Variants in ANK2 observed in about 807,000 individuals in gnomAD.
ANK2 encodes the protein ankyrin 2.
A neutral mutation model predicts 360.5 loss-of-function variants in ANK2; 83 were observed. That is an observed-to-expected ratio of 0.23 (90% CI 0.19 to 0.28). The LOEUF (loss-of-function observed/expected upper bound fraction) is 0.28. Among genes scored for constraint, ANK2 ranks in the 10% least tolerant of loss-of-function variants. The probability of loss-of-function intolerance (pLI) is 1.00; values close to 1 mark genes in which losing one functional copy is unlikely to be tolerated. For synonymous variants in ANK2, 1,740 were observed against 1,759.5 expected, an observed-to-expected ratio of 0.99 and a Z score of 0.28; for missense variants, 4,201 against 4,795.7, an observed-to-expected ratio of 0.88 and a Z score of 3.66.
chr4:113,361,127 T>C (rs1276301588), intron 39 of ANK2, among the ~76,000 whole-genome samples: 1 of 152,200 alleles, frequency 6.6e-6, no homozygotes, highest in Non-Finnish European at 1.5e-5. Context: ...TTTGAAGATT[T>C]AGAGAATATA....
intron 1 of ANK2, among the ~76,000 whole-genome samples, chr4:113,136,805 G>A (rs2096437544): frequency 6.7e-6 from 1 of 148,188 alleles, no homozygotes; most frequent in Admixed American, 6.8e-5. Flanking sequence ...CACCCAGGCT[G>A]GAGTGCAGCA....
At chr4:112,863,815 C>T (rs967685432) in intron 1 of ANK2, among the ~76,000 whole-genome samples, 7 of 152,242 alleles carry the variant, frequency 4.6e-5, no homozygotes, top group African/African-American at 1.7e-4. Flanking sequence ...AGCCACCGCG[C>T]CCGGCCTAGA....
intron 2 of ANK2, among the ~76,000 whole-genome samples, chr4:112,972,361 C>G (rs2039833070): frequency 6.6e-6 from 1 of 152,090 alleles, no homozygotes; most frequent in African/African-American, 2.4e-5. Flanking sequence ...CACCCCTCAA[C>G]AGGCCCCGGT....
chr4:113,176,988 C>T (rs1227667956), intron 2 of ANK2, among the ~76,000 whole-genome samples: 2 of 152,116 alleles, frequency 1.3e-5, no homozygotes, highest in East Asian at 1.9e-4. Flanking sequence ...GCATAGTATT[C>T]CATGGTGTAT....
At chr4:112,728,292 C>CAAAAAAAAAAAAAAA in the ANK2 span, among the ~76,000 whole-genome samples, 22 of 40,130 alleles carry the variant, frequency 5.5e-4, no homozygotes, top group Non-Finnish European at 6.2e-4. Context: ...GACTCTGTCT[C>CAAAAAAAAAAAAAAA]AAAAAAAAAA....
At chr4:112,916,518 A>G (rs573697843) in intron 2 of ANK2, among the ~76,000 whole-genome samples, 1 of 152,342 alleles carries the variant, frequency 6.6e-6, no homozygotes, top group South Asian at 2.1e-4. Flanking sequence ...TCAATCTATT[A>G]CATATTTAAG....
chr4:112,885,796 CAAAAAAAAAAAAAAAAAAA>C (rs750277917), intron 1 of ANK2, among the ~76,000 whole-genome samples: 1 of 26,972 alleles, frequency 3.7e-5, no homozygotes, highest in Non-Finnish European at 7.4e-5. Context: ...GACTCTGTCT[CAAAAAAAAAAAAAAAAAAA>C]AAAAAAAAAA....
At chr4:112,858,704 A>G (rs555525818) in intron 1 of ANK2, among the ~76,000 whole-genome samples, 1 of 152,380 alleles carries the variant, frequency 6.6e-6, no homozygotes, top group South Asian at 2.1e-4. Context: ...AAGATCAGTC[A>G]GAGACTATTT....
rs1236697413 is a variant in ANK2, at chr4:113,111,660, T to C, written c.84+61848T>C. ...TAACTGTAGTGTTCCAATCCTTTAA[T>C]AGACTATGAGGATTTCTTATCCAAA... is the stretch of plus-strand genomic sequence containing the variant. On this transcript the variant is annotated intron_variant, in intron 1 of 45. Coordinates refer to ENST00000357077, the MANE Select transcript of ANK2 (RefSeq NM_001148.6). Among the ~76,000 whole-genome samples the C allele has an allele frequency of 2.0e-5, 3 of 152,140 alleles. No homozygotes were observed. The East Asian group carries it at 5.8e-4, about 29-fold the overall frequency.
In ANK2 at chr4:113,363,332, T is replaced by G. The variant is rs1554578788; in HGVS notation, c.10757-6T>G. 1 of 1,612,648 alleles carries G rather than the reference T, an allele frequency of 6.2e-7. No homozygotes were observed. The highest frequency in any genetic ancestry group is 8.5e-7 in the Non-Finnish European group (1 of 1,179,286). The stretch of plus-strand genomic sequence containing the variant: ...TGTGTTTACAAAGTAGTATTTTATC[T>G]TCTAGAATTAGCAAGAGAACTGGAT... On this transcript the variant is annotated splice_region_variant and splice_polypyrimidine_tract_variant and intron_variant, in intron 39 of 45. Transcript: ENST00000357077.
At chr4:112,791,463 ACTT>A in the ANK2 span, among the ~76,000 whole-genome samples, 7 of 118,238 alleles carry the variant, frequency 5.9e-5, no homozygotes, top group South Asian at 5.7e-4. Context: ...AAAGCCTCTT[ACTT>A]CTTCTTCTTC....
chr4:112,839,954 T>C lies in ANK2; in HGVS notation c.-40+21690T>C, dbSNP rs140370980. Among the ~76,000 whole-genome samples the C allele has an allele frequency of 3.6e-3, 551 of 152,332 alleles. 3 individuals carry two copies. Among genetic ancestry groups the C allele is most frequent in the African/African-American group, 0.013 (543 of 41,574 alleles). On this transcript the variant is annotated intron_variant, in intron 1 of 30. Transcript: ENST00000503271. Reference sequence around the variant, plus strand: ...TTTCTTGGCCAGGTTTGTACTCTTCTGTATGTTGAGCTATGGCCTATTGTT... The same window carrying C: ...TTTCTTGGCCAGGTTTGTACTCTTCCGTATGTTGAGCTATGGCCTATTGTT...
intron 14 of ANK2, among the ~76,000 whole-genome samples, chr4:113,273,761 T>C (rs2059306060): frequency 6.6e-6 from 1 of 152,214 alleles, no homozygotes; most frequent in African/African-American, 2.4e-5. Flanking sequence ...CTGGAACATG[T>C]CCTTCCTGTC....
chr4:112,711,488 A>G, the ANK2 span, among the ~76,000 whole-genome samples: 10 of 152,012 alleles, frequency 6.6e-5, no homozygotes, highest in African/African-American at 2.2e-4. Context: ...ATGCCACTGC[A>G]CTCCAGCCTG....
chr4:113,255,381 A>G (rs1199480021), intron 10 of ANK2, among the ~76,000 whole-genome samples: 1 of 152,238 alleles, frequency 6.6e-6, no homozygotes, highest in Non-Finnish European at 1.5e-5. Flanking sequence ...GTGAATGCAG[A>G]CTGCTATGCA....
At chr4:113,144,262 G>C (rs2096747415) in intron 1 of ANK2, among the ~76,000 whole-genome samples, 1 of 152,086 alleles carries the variant, frequency 6.6e-6, no homozygotes, top group Admixed American at 6.6e-5. Context: ...CATAAACGCT[G>C]GAATGAAGAG....
chr4:112,926,640 A>T (rs1213288718), intron 2 of ANK2, among the ~76,000 whole-genome samples: 1 of 152,210 alleles, frequency 6.6e-6, no homozygotes, highest in Non-Finnish European at 1.5e-5. Flanking sequence ...GTAGAGGTAG[A>T]TGTTAATTTG....
intron 1 of ANK2, among the ~76,000 whole-genome samples, chr4:113,119,622 A>T (rs2095201845): frequency 6.6e-6 from 1 of 152,154 alleles, no homozygotes; most frequent in Non-Finnish European, 1.5e-5. Context: ...CTTTATCATC[A>T]TAAGGGAAAG....
At chr4:112,718,373 G>T in the ANK2 span, among the ~76,000 whole-genome samples, 151 of 152,336 alleles carry the variant, frequency 9.9e-4, 1 homozygote, top group African/African-American at 3.6e-3. Context: ...GGAGTGCAGT[G>T]ATGTGATCTT....
Sources: allele counts gnomAD v4.1 joint callset (sites outside exome capture counted in the v4.1 genomes callset), GRCh38; gene constraint gnomAD v4.1.1; transcripts MANE v1.5; gene names NCBI Gene and HGNC (gene_info 2026-07-23, HGNC 2026-07-21).